The following TPTE2 variants were observed in gnomAD, a reference collection of about 807,000 sequenced individuals.
The protein encoded by TPTE2 is phosphatidylinositol 3,4,5-trisphosphate 3-phosphatase TPTE2.
TPTE2 carries 53 observed loss-of-function variants against 78.6 expected under a neutral mutation model. The ratio of observed to expected loss-of-function variants is 0.67; its 90% CI spans 0.54 to 0.85. The LOEUF is 0.85. Among genes scored for constraint, TPTE2 ranks in the 40% least tolerant of loss-of-function variants. The pLI is 0.00. For missense variants in TPTE2, 461 were observed against 623.0 expected, an observed-to-expected ratio of 0.74 and a Z score of 2.77; for synonymous variants, 175 against 206.2, an observed-to-expected ratio of 0.85 and a Z score of 1.30.
exon 3 of TPTE2, chr13:19,492,863 G>C: frequency 1.2e-6 from 2 of 1,613,900 alleles, no homozygotes; most frequent in Non-Finnish European, 1.7e-6. Flanking sequence ...TTACTGATAG[G>C]TGACACCAGG....
chr13:19,543,883 C>T, the TPTE2 span, among the ~76,000 whole-genome samples: 12 of 151,214 alleles, frequency 7.9e-5, no homozygotes, highest in African/African-American at 2.7e-4. Context: ...GGCAATATGG[C>T]GAAACCCTGT....
chr13:19,513,272 G>A (rs920031396), intron 1 of TPTE2, among the ~76,000 whole-genome samples: 1 of 152,186 alleles, frequency 6.6e-6, no homozygotes, highest in Non-Finnish European at 1.5e-5. Flanking sequence ...GTGGTGATAT[G>A]ACCAATTTAT....
At chr13:19,528,323 G>A (rs1220188098) in intron 1 of TPTE2, among the ~76,000 whole-genome samples, 3 of 151,466 alleles carry the variant, frequency 2.0e-5, no homozygotes, top group Non-Finnish European at 4.4e-5. Flanking sequence ...AGAGGCGGAG[G>A]CTGCAGTGAG....
upstream of TPTE2, among the ~76,000 whole-genome samples, chr13:19,536,960 A>G (rs1871248773): frequency 6.6e-6 from 1 of 150,842 alleles, no homozygotes; most frequent in African/African-American, 2.4e-5. Flanking sequence ...TATATAGAAC[A>G]TATATTATAA....
At chr13:19,560,284 A>C in the TPTE2 span, 2 of 1,012,934 alleles carry the variant, frequency 2.0e-6, no homozygotes, top group Non-Finnish European at 3.0e-6. Context: ...TGAATTGGCA[A>C]GGGCCAGGGC....
chr13:19,520,189 T>C (rs1361921640), intron 1 of TPTE2, among the ~76,000 whole-genome samples: 2 of 152,058 alleles, frequency 1.3e-5, no homozygotes, highest in Non-Finnish European at 2.9e-5. Context: ...TGCAAAAAAA[T>C]AGAGTTTCAC....
chr13:19,447,803 T>C (rs1467072560), intron 13 of TPTE2, among the ~76,000 whole-genome samples: 1 of 152,150 alleles, frequency 6.6e-6, no homozygotes, highest in African/African-American at 2.4e-5. Context: ...CTTAAATTGG[T>C]TGGATTTACA....
At chr13:19,499,066 T>C (rs908236529) in intron 1 of TPTE2, among the ~76,000 whole-genome samples, 20 of 152,020 alleles carry the variant, frequency 1.3e-4, no homozygotes, top group African/African-American at 4.6e-4. Flanking sequence ...CATTACATAA[T>C]GGTAAAGGGA....
In TPTE2 at chr13:19,503,025, A is replaced by G. The variant is rs137936269; in HGVS notation, c.11+199T>C. ...ACCCTGTTAAAAGCTTCTCAGAATA[A>G]ACTCCACAAATGTCCGTCCATCTGT... is the stretch of plus-strand genomic sequence containing the variant. On this transcript the variant is annotated intron_variant, in intron 1 of 19. Coordinates refer to ENST00000400230, the Ensembl canonical transcript of TPTE2. 4.3e-3 allele frequency among the ~76,000 whole-genome samples: 650 copies of G among 152,208 alleles called. 6 individuals carry two copies. The highest frequency in any genetic ancestry group is 0.023 in the South Asian group (110 of 4,814).
chr13:19,429,649 G>A (rs543371491), intron 17 of TPTE2, among the ~76,000 whole-genome samples: 41 of 152,280 alleles, frequency 2.7e-4, no homozygotes, highest in Admixed American at 1.8e-3. Flanking sequence ...GGTCAGGCCT[G>A]GGTGAATGCC....
At position 19,474,044 on chromosome 13, in the gene TPTE2, C is replaced by T. The variant is rs371694584; in HGVS notation, c.262G>A (p.Val88Ile). The T allele has an allele frequency of 1.1e-5, 17 of 1,604,478 alleles. No homozygotes were observed. The highest frequency in any genetic ancestry group is 1.4e-5 in the African/African-American group (1 of 73,476). The stretch of plus-strand genomic sequence containing the variant: ...ATTAGGTCGGCAAGGAGGAGAGTGA[C>T]ATCCAGTAAGACCAGGAAAACTCCA... The change falls in exon 6 of 20, where the codon GTC (valine) becomes ATC (isoleucine). Residue 88 changes from valine (V) to isoleucine (I), a missense_variant. Transcript: ENST00000400230.
chr13:19,428,000 G>A (rs1221800831), intron 17 of TPTE2, among the ~76,000 whole-genome samples: 11 of 152,166 alleles, frequency 7.2e-5, no homozygotes, highest in Admixed American at 5.2e-4. Context: ...TGTACTACTG[G>A]GGGCTAGTTA....
chr13:19,423,919 T>C (rs1380712868), intron 19 of TPTE2, among the ~76,000 whole-genome samples: 1 of 152,230 alleles, frequency 6.6e-6, no homozygotes, highest in Admixed American at 6.5e-5. Flanking sequence ...TTGAGGGACT[T>C]TGCTCATGTT....
At chr13:19,437,010 G>A (rs1219311059) in intron 14 of TPTE2, among the ~76,000 whole-genome samples, 8 of 144,588 alleles carry the variant, frequency 5.5e-5, no homozygotes, top group African/African-American at 2.0e-4. Context: ...TGTTTTTTAA[G>A]CTGCAATCCA....
intron 16 of TPTE2, 75 bp from the exon 20 acceptor site, chr13:19,430,622 T>C (rs7139692): frequency 0.73 from 703,149 of 961,754 alleles, 267,624 homozygotes; most frequent in East Asian, 0.92. Context: ...CTTAACATCA[T>C]GGATTAAAAA....
chr13:19,516,499 C>T (rs1869802509), intron 1 of TPTE2, among the ~76,000 whole-genome samples: 2 of 152,214 alleles, frequency 1.3e-5, no homozygotes, highest in Admixed American at 1.3e-4. Context: ...GTCTCCAAAA[C>T]ACTTTAGTTG....
intron 1 of TPTE2, among the ~76,000 whole-genome samples, chr13:19,518,860 TAG>T (rs1334932177): frequency 6.6e-6 from 1 of 152,020 alleles, no homozygotes; most frequent in African/African-American, 2.4e-5. Flanking sequence ...CCTCAAAAAC[TAG>T]AGAGATGGGT....
chr13:19,455,900 A>G (rs1878511878), intron 10 of TPTE2, among the ~76,000 whole-genome samples: 1 of 152,200 alleles, frequency 6.6e-6, no homozygotes, highest in African/African-American at 2.4e-5. Flanking sequence ...TTAATCTAGT[A>G]AAGAATGACT....
intron 1 of TPTE2, among the ~76,000 whole-genome samples, chr13:19,526,537 T>C (rs1870508570): frequency 6.6e-6 from 1 of 151,842 alleles, no homozygotes; most frequent in African/African-American, 2.4e-5. Context: ...GGCACAAATA[T>C]GGGAACAACA....
Sources: gnomAD v4.1 joint callset for allele counts (sites outside exome capture counted in the v4.1 genomes callset) on GRCh38, gnomAD v4.1.1 for gene constraint, MANE v1.5 for transcripts, NCBI Gene and HGNC (gene_info 2026-07-23, HGNC 2026-07-21) for gene names.